Variants in LRMDA observed in about 807,000 individuals in gnomAD.
LRMDA encodes leucine rich melanocyte differentiation associated.
LRMDA carries 18 observed loss-of-function variants against 29.8 expected under a neutral mutation model. That is an observed-to-expected ratio of 0.60 (90% confidence interval 0.42 to 0.90). The LOEUF is 0.90. LRMDA is among the 40% of genes least tolerant of loss of function. The pLI is 0.00. For missense variants in LRMDA, 273 were observed against 273.9 expected, an observed-to-expected ratio of 1.00 and a Z score of 0.02; for synonymous variants, 125 against 109.4, an observed-to-expected ratio of 1.14 and a Z score of -0.89.
At chr10:76,372,334 C>T (rs573437151) in intron 6 of LRMDA, among the ~76,000 whole-genome samples, 8 of 152,058 alleles carry the variant, frequency 5.3e-5, no homozygotes, top group Admixed American at 1.3e-4. Flanking sequence ...AAATCCTTGC[C>T]GGGCACAGTG....
intron 2 of LRMDA, among the ~76,000 whole-genome samples, chr10:75,547,086 G>C (rs1840089495): frequency 1.3e-5 from 2 of 152,160 alleles, no homozygotes; most frequent in African/African-American, 4.8e-5. Context: ...AGGACTACAA[G>C]AATGATCAGT....
At chr10:76,551,209 T>C (rs1045703754) in intron 6 of LRMDA, among the ~76,000 whole-genome samples, 1 of 152,176 alleles carries the variant, frequency 6.6e-6, no homozygotes, top group Non-Finnish European at 1.5e-5. Flanking sequence ...AGGAAAGTGT[T>C]TGGGGTAAAA....
intron 6 of LRMDA, among the ~76,000 whole-genome samples, chr10:76,527,561 T>G (rs970881328): frequency 6.6e-6 from 1 of 152,178 alleles, no homozygotes; most frequent in African/African-American, 2.4e-5. Context: ...TTTGTTTCAT[T>G]GATTTAACAT....
intron 2 of LRMDA, among the ~76,000 whole-genome samples, chr10:75,797,710 C>T (rs539567312): frequency 1.3e-5 from 2 of 152,268 alleles, no homozygotes; most frequent in Non-Finnish European, 2.9e-5. Flanking sequence ...CGTTTTGTGG[C>T]ATGTATCAGT....
chr10:75,646,318 C>T (rs1025669925), intron 2 of LRMDA, among the ~76,000 whole-genome samples: 3 of 152,122 alleles, frequency 2.0e-5, no homozygotes, highest in South Asian at 2.1e-4. Context: ...TGGATAGGCG[C>T]GGCCACCATT....
intron 6 of LRMDA, among the ~76,000 whole-genome samples, chr10:76,326,322 A>G (rs975367003): frequency 6.6e-6 from 1 of 152,210 alleles, no homozygotes; most frequent in African/African-American, 2.4e-5. Context: ...TGAGAAAGCC[A>G]TTATTTTTTG....
intron 5 of LRMDA, among the ~76,000 whole-genome samples, chr10:76,141,040 T>G (rs538177883): frequency 6.6e-6 from 1 of 152,190 alleles, no homozygotes; most frequent in African/African-American, 2.4e-5. Flanking sequence ...GCTTGAACCA[T>G]CTGGTCCTTC....
chr10:75,741,486 C>T (rs914135941), intron 2 of LRMDA, among the ~76,000 whole-genome samples: 6 of 151,996 alleles, frequency 3.9e-5, no homozygotes, highest in Admixed American at 1.3e-4. Flanking sequence ...CAGATAAGCT[C>T]CATGTCTTGA....
At chr10:75,670,212 G>A (rs1418079896) in intron 2 of LRMDA, among the ~76,000 whole-genome samples, 2 of 152,194 alleles carry the variant, frequency 1.3e-5, no homozygotes, top group Non-Finnish European at 2.9e-5. Flanking sequence ...GAAGGAAAAC[G>A]AAATCTCCTT....
intron 2 of LRMDA, among the ~76,000 whole-genome samples, chr10:75,467,266 G>A (rs1844663407): frequency 6.6e-6 from 1 of 152,210 alleles, no homozygotes; most frequent in South Asian, 2.1e-4. Flanking sequence ...TGTGAGCCAT[G>A]GCAGGGAAGG....
chr10:75,474,925 A>C (rs1844771032), intron 2 of LRMDA, among the ~76,000 whole-genome samples: 1 of 152,128 alleles, frequency 6.6e-6, no homozygotes, highest in Admixed American at 6.5e-5. Context: ...AAAGGTGTGT[A>C]TCTCACTGCA....
intron 2 of LRMDA, among the ~76,000 whole-genome samples, chr10:75,690,687 G>T (rs545821899): frequency 6.6e-6 from 1 of 152,054 alleles, no homozygotes; most frequent in East Asian, 1.9e-4. Context: ...GCTGAACATG[G>T]TGGCTCATGC....
At chr10:75,620,292 T>C (rs926174370) in intron 2 of LRMDA, among the ~76,000 whole-genome samples, 2 of 152,206 alleles carry the variant, frequency 1.3e-5, no homozygotes, top group African/African-American at 4.8e-5. Flanking sequence ...AATTCAGGCA[T>C]GTATGCAAAA....
chr10:76,327,003 C>G (rs1469580921), intron 6 of LRMDA, among the ~76,000 whole-genome samples: 2 of 151,626 alleles, frequency 1.3e-5, no homozygotes, highest in African/African-American at 4.8e-5. Flanking sequence ...TGTTCATATT[C>G]TACTTTGTAT....
intron 6 of LRMDA, among the ~76,000 whole-genome samples, chr10:76,423,596 A>T (rs1203699548): frequency 6.6e-6 from 1 of 152,188 alleles, no homozygotes; most frequent in Non-Finnish European, 1.5e-5. Context: ...CAGATTTCAC[A>T]AGAGTTTGAA....
chr10:76,476,175 A>T (rs1389137371), intron 6 of LRMDA, among the ~76,000 whole-genome samples: 2 of 152,188 alleles, frequency 1.3e-5, no homozygotes, highest in Non-Finnish European at 2.9e-5. Context: ...AGAATAAAAG[A>T]GAGAAGAATC....
At chr10:75,850,374 G>A (rs1844711940) in intron 2 of LRMDA, among the ~76,000 whole-genome samples, 1 of 152,182 alleles carries the variant, frequency 6.6e-6, no homozygotes. Flanking sequence ...CCTTTTTGGT[G>A]TATGCTGGAG....
chr10:76,363,276 A>AAAGGAAGGAAGGAAGGAAGG (rs1212066726), intron 6 of LRMDA, among the ~76,000 whole-genome samples: 1 of 58,804 alleles, frequency 1.7e-5, no homozygotes, highest in African/African-American at 8.5e-5. Flanking sequence ...GGAAGGAAGG[A>AAAGGAAGGAAGGAAGGAAGG]AAGGAAGGAA....
intron 6 of LRMDA, among the ~76,000 whole-genome samples, chr10:76,447,620 C>T (rs1461207084): frequency 6.6e-6 from 1 of 152,180 alleles, no homozygotes; most frequent in Non-Finnish European, 1.5e-5. Flanking sequence ...AGATCCAGTA[C>T]TTAGCAGCTT....
Sources: gnomAD v4.1 joint callset for allele counts (sites outside exome capture counted in the v4.1 genomes callset) on GRCh38, gnomAD v4.1.1 for gene constraint, MANE v1.5 for transcripts, NCBI Gene and HGNC (gene_info 2026-07-23, HGNC 2026-07-21) for gene names.